FSTL5: variants seen among roughly 807,000 people sequenced by gnomAD.
FSTL5 encodes follistatin-related protein 5.
Under a neutral mutation model 89.1 loss-of-function variants are expected in FSTL5, and 62 were observed. That is an observed-to-expected ratio of 0.70 (90% CI 0.57 to 0.86). The LOEUF (loss-of-function observed/expected upper bound fraction) is 0.86. Ranked by LOEUF, FSTL5 falls within the 40% of genes least tolerant of loss-of-function variation. The pLI is 0.00. For synonymous variants in FSTL5, 383 were observed against 346.2 expected (o/e 1.11, Z -1.18); for missense variants, 1,057 against 1,001.6 (o/e 1.06, Z -0.75).
At position 161,572,318 on chromosome 4, in the gene FSTL5, TAAAAAAAAAA is replaced by T. The variant is rs755306574; in HGVS notation, c.1015+15127_1015+15136del. ...CTGGGTGATAGAGTGAGACTCCGTCTAAAAAAAAAAAAAAAAAAAAAAAAAAGAGAGAGAG... is the reference window on the plus strand; with the variant it reads ...CTGGGTGATAGAGTGAGACTCCGTCTAAAAAAAAAAAAAAAAGAGAGAGAG... On this transcript the variant is annotated intron_variant, in intron 8 of 15. Coordinates refer to ENST00000306100, the MANE Select transcript of FSTL5 (RefSeq NM_020116.5). Among the ~76,000 whole-genome samples, 121 of 64,056 alleles carry T rather than the reference TAAAAAAAAAA, an allele frequency of 1.9e-3. 1 individual carries two copies. Among genetic ancestry groups the T allele is most frequent in the African/African-American group, 6.5e-3 (100 of 15,380 alleles). The allele number at this position is 64,056 out of a possible 152,430, so 42.0% of individuals were successfully genotyped here. A position where few individuals can be genotyped will look rare whatever the true frequency, so the allele number is the denominator to read the frequency against.
At chr4:161,846,360 ATTC>A (rs139595950) in intron 4 of FSTL5, among the ~76,000 whole-genome samples, 1,917 of 152,228 alleles carry the variant, frequency 0.013, 37 homozygotes, top group African/African-American at 0.042. Context: ...TGTGTTACAA[ATTC>A]TTCTCATTAA....
chr4:161,679,120 T>C (rs2126706514), intron 6 of FSTL5, among the ~76,000 whole-genome samples: 1 of 151,762 alleles, frequency 6.6e-6, no homozygotes, highest in South Asian at 2.1e-4. Context: ...TTTTTCAAGA[T>C]TGTAAAATTA....
chr4:162,057,992 G>C (rs1738602328), intron 2 of FSTL5, among the ~76,000 whole-genome samples: 1 of 151,948 alleles, frequency 6.6e-6, no homozygotes, highest in African/African-American at 2.4e-5. Context: ...CTGGACAACG[G>C]CAAGATAGTA....
In FSTL5 at chr4:161,385,585, G is replaced by C; in HGVS notation, c.*162C>G. The C allele has an allele frequency of 1.7e-6, 1 of 582,876 alleles. No homozygotes were observed. Among genetic ancestry groups the C allele is most frequent in the Non-Finnish European group, 3.0e-6 (1 of 331,178 alleles). 36.1% of individuals were successfully genotyped at this position (582,876 alleles called of 1,614,324 possible). ...TTAACCAATATAATTAATTGTGTAT[G>C]TCTTAGTCACTTAGTCAAAAACAAT... On this transcript the variant is annotated 3_prime_UTR_variant, in exon 16 of 16. Coordinates refer to ENST00000306100, the MANE Select transcript of FSTL5 (RefSeq NM_020116.5).
intron 8 of FSTL5, among the ~76,000 whole-genome samples, chr4:161,573,579 C>A (rs542320485): frequency 1.3e-5 from 2 of 150,230 alleles, no homozygotes; most frequent in African/African-American, 4.9e-5. Context: ...AGTAAAAGTA[C>A]AAAATCAGCC....
intron 1 of FSTL5, among the ~76,000 whole-genome samples, chr4:162,136,140 C>A (rs1732511539): frequency 6.6e-6 from 1 of 151,980 alleles, no homozygotes; most frequent in Non-Finnish European, 1.5e-5. Context: ...CACTCTCTCC[C>A]ACACCCCAAA....
intron 6 of FSTL5, among the ~76,000 whole-genome samples, chr4:161,696,033 T>C (rs914539743): frequency 4.6e-5 from 7 of 152,200 alleles, no homozygotes; most frequent in Non-Finnish European, 8.8e-5. Context: ...AATATTTGCC[T>C]GAGCCAATGT....
At chr4:161,704,951 TG>T (rs1279787656) in intron 6 of FSTL5, among the ~76,000 whole-genome samples, 1 of 152,098 alleles carries the variant, frequency 6.6e-6, no homozygotes, top group Non-Finnish European at 1.5e-5. Flanking sequence ...AATTCAGATA[TG>T]ATTTATTTTT....
At chr4:162,043,182 G>A (rs1738036571) in intron 2 of FSTL5, 1 of 152,116 alleles carries the variant, frequency 6.6e-6, no homozygotes, top group Non-Finnish European at 1.5e-5. Flanking sequence ...CCTTCTTACA[G>A]CATTATTGTT....
At position 161,833,958 on chromosome 4, in the gene FSTL5, T is replaced by C. The variant is rs559444520; in HGVS notation, c.410-57884A>G. Among the ~76,000 whole-genome samples, 17 of 152,300 alleles carry C rather than the reference T, an allele frequency of 1.1e-4. 1 individual carries two copies. Among genetic ancestry groups the C allele is most frequent in the Admixed American group, 1.1e-3 (17 of 15,288 alleles). On this transcript the variant is annotated intron_variant, in intron 4 of 15. Transcript: ENST00000306100. ...GCTGGTTATTTTGCTCGTTAGTTGA[T>C]GCAGTTTCTTCCTAGCCTCGATGGT...
chr4:161,451,414 A>G, intron 15 of FSTL5, among the ~76,000 whole-genome samples: 1 of 152,216 alleles, frequency 6.6e-6, no homozygotes, highest in South Asian at 2.1e-4. Flanking sequence ...AGAAACAGAA[A>G]AACTGGAGGA....
At chr4:161,930,486 T>A (rs1384878742) in intron 3 of FSTL5, among the ~76,000 whole-genome samples, 1 of 151,274 alleles carries the variant, frequency 6.6e-6, no homozygotes, top group Non-Finnish European at 1.5e-5. Flanking sequence ...AAAAATATTA[T>A]ATCAGTCATT....
intron 15 of FSTL5, among the ~76,000 whole-genome samples, chr4:161,424,584 T>A (rs545274875): frequency 6.6e-6 from 1 of 152,244 alleles, no homozygotes; most frequent in East Asian, 1.9e-4. Flanking sequence ...TCTCTTTTTA[T>A]ATTTTTTTCT....
rs182059336 is a variant in FSTL5 at position 161,598,687 on chromosome 4, T to A, written c.895-11112A>T. Reference sequence around the variant, plus strand: ...ACGATACCTAGATAGCCATGTCACATGTATGATATGTGACAGACATAGCAT... The same window carrying A: ...ACGATACCTAGATAGCCATGTCACAAGTATGATATGTGACAGACATAGCAT... On this transcript the variant is annotated intron_variant, in intron 7 of 15. Coordinates refer to ENST00000306100, the MANE Select transcript of FSTL5 (RefSeq NM_020116.5). 7.9e-5 allele frequency among the ~76,000 whole-genome samples: 12 copies of A among 152,206 alleles called. No homozygotes were observed. The East Asian group carries it at 2.3e-3, about 29-fold the overall frequency.
At chr4:161,914,759 T>C (rs940244083) in intron 4 of FSTL5, among the ~76,000 whole-genome samples, 10 of 152,144 alleles carry the variant, frequency 6.6e-5, no homozygotes, top group Admixed American at 5.2e-4. Flanking sequence ...AAAGAAAATA[T>C]GGATGACTTC....
chr4:161,998,398 T>C (rs1736363048), intron 3 of FSTL5, among the ~76,000 whole-genome samples: 2 of 152,278 alleles, frequency 1.3e-5, no homozygotes. Flanking sequence ...GGTAAGAGCC[T>C]ACCTTCAAAG....
intron 4 of FSTL5, among the ~76,000 whole-genome samples, chr4:161,906,400 T>C (rs1241883811): frequency 6.6e-6 from 1 of 152,132 alleles, no homozygotes; most frequent in Non-Finnish European, 1.5e-5. Flanking sequence ...TTGTTCCAGT[T>C]GCTCTAATTT....
chr4:161,553,563 T>C (rs1229839690), intron 8 of FSTL5, among the ~76,000 whole-genome samples: 1 of 151,262 alleles, frequency 6.6e-6, no homozygotes, highest in African/African-American at 2.4e-5. Flanking sequence ...ATCCAATGAG[T>C]GATAGGTTCG....
At chr4:161,825,671 C>T (rs746127604) in intron 4 of FSTL5, among the ~76,000 whole-genome samples, 15 of 151,892 alleles carry the variant, frequency 9.9e-5, no homozygotes, top group Non-Finnish European at 1.3e-4. Context: ...CCAGTTTATT[C>T]GCATAAAGAT....
Sources: allele counts gnomAD v4.1 joint callset (sites outside exome capture counted in the v4.1 genomes callset), GRCh38; gene constraint gnomAD v4.1.1; transcripts MANE v1.5; gene names NCBI Gene and HGNC (gene_info 2026-07-23, HGNC 2026-07-21).